DUSP3: variants seen among roughly 807,000 people sequenced by gnomAD.
The protein encoded by DUSP3 is dual specificity protein phosphatase 3.
A neutral mutation model predicts 15.5 loss-of-function variants in DUSP3; 7 were observed. That is an observed-to-expected ratio of 0.45 (90% CI 0.26 to 0.85). The LOEUF (loss-of-function observed/expected upper bound fraction) is 0.85. DUSP3 is among the 40% of genes least tolerant of loss of function. The pLI is 0.18. For missense variants in DUSP3, 209 were observed against 251.7 expected (o/e 0.83, Z 1.15); for synonymous variants, 86 against 104.2 (o/e 0.83, Z 1.07).
intron 1 of DUSP3, among the ~76,000 whole-genome samples, chr17:43,775,898 G>A (rs1265881143): frequency 6.6e-6 from 1 of 152,132 alleles, no homozygotes; most frequent in Non-Finnish European, 1.5e-5. Flanking sequence ...TGGATCACCT[G>A]TCAGGAGTTC....
At position 43,770,982 on chromosome 17, in the gene DUSP3, GTATA is replaced by G. The variant is rs201583997; in HGVS notation, c.353-1172_353-1169del. 4.2e-4 allele frequency among the ~76,000 whole-genome samples: 39 copies of G among 92,968 alleles called. 1 individual carries two copies. The highest frequency in any genetic ancestry group is 1.2e-3 in the African/African-American group (34 of 27,534). 61.0% of individuals were successfully genotyped at this position (92,968 alleles called of 152,430 possible). ...ATTTTAATATAGTGTGTGTGTGCGTGTATATATATGTGTGTGTGTGTGTGTGTGT... is the reference window on the plus strand; with the variant it reads ...ATTTTAATATAGTGTGTGTGTGCGTGTATATGTGTGTGTGTGTGTGTGTGT... On this transcript the variant is annotated intron_variant, in intron 2 of 2. Transcript: ENST00000226004.
rs1974243223 is a variant in DUSP3 at position 43,766,494 on chromosome 17, ACTTT to A, written c.*3111_*3114del. 6.9e-6 allele frequency: 1 copy of A among 144,214 alleles called. No individual in the cohort carries two copies. The highest frequency in any genetic ancestry group is 2.6e-5 in the African/African-American group (1 of 39,100). 8.9% of individuals were successfully genotyped at this position (144,214 alleles called of 1,614,324 possible). On this transcript the variant is annotated 3_prime_UTR_variant, in exon 3 of 3. Coordinates refer to ENST00000226004, the MANE Select transcript of DUSP3 (RefSeq NM_004090.4). ...TCATGTCTTCATATTGAAGATCAGT[ACTTT>A]TTTTTTTTTTTTTCCTTTAAAACAG...
At chr17:43,775,072 G>T in intron 1 of DUSP3, 134 bp from the exon 2 acceptor site, 1 of 862,950 alleles carries the variant, frequency 1.2e-6, no homozygotes, top group Non-Finnish European at 1.9e-6. Flanking sequence ...AGCTTCTCCT[G>T]CCTCATCTTA....
chr17:43,769,251 T>G lies in DUSP3; in HGVS notation c.*358A>C. ...GGATTCGGGAGTTGGGGAAGGGAGG[T>G]CATGAGGGACCTCTGTGAGCATCTT... On this transcript the variant is annotated 3_prime_UTR_variant, in exon 3 of 3. Transcript: ENST00000226004. The G allele has an allele frequency of 2.5e-5, 6 of 240,866 alleles. No homozygotes were observed. Among genetic ancestry groups the G allele is most frequent in the Non-Finnish European group, 4.0e-5 (5 of 124,186 alleles). 14.9% of individuals were successfully genotyped at this position (240,866 alleles called of 1,614,324 possible).
At position 43,774,695 on chromosome 17, in the gene DUSP3, G is replaced by A. The variant is rs1419119849; in HGVS notation, c.352+17C>T. On this transcript the variant is annotated intron_variant, in intron 2 of 2. Transcript: ENST00000226004. ...TCAGAGCTGCCTCCCATCTTTTCCT[G>A]GTGGGAGGTCCCTTACCATTCTTTT... The A allele has an allele frequency of 2.5e-6, 4 of 1,613,880 alleles. No individual in the cohort carries two copies. The highest frequency in any genetic ancestry group is 1.6e-4 in the Middle Eastern group (1 of 6,062).
rs71160061 is a variant in DUSP3, at chr17:43,770,990, A to ATGTGTGTGTGTGTGTGTG, written c.353-1194_353-1177dup. ...ATAGTGTGTGTGTGCGTGTATATAT[A>ATGTGTGTGTGTGTGTGTG]TGTGTGTGTGTGTGTGTGTGTGTGT... On this transcript the variant is annotated intron_variant, in intron 2 of 2. Transcript: ENST00000226004. 2.0e-5 allele frequency among the ~76,000 whole-genome samples: 3 copies of ATGTGTGTGTGTGTGTGTG among 146,764 alleles called. No homozygotes were observed. In the South Asian group the frequency reaches 6.5e-4, roughly 32 times the overall value.
rs193147258 is a variant in DUSP3, at chr17:43,774,502, C to T, written c.352+210G>A. On this transcript the variant is annotated intron_variant, in intron 2 of 2. Transcript: ENST00000226004. ...GTCAAACGCGAGGACCCTGGGGCTGCCATGGTGTGAATGAGTTGCACATCC... is the reference window on the plus strand; with the variant it reads ...GTCAAACGCGAGGACCCTGGGGCTGTCATGGTGTGAATGAGTTGCACATCC... Among the ~76,000 whole-genome samples, 3 of 152,298 alleles carry T rather than the reference C, an allele frequency of 2.0e-5. No homozygotes were observed. In the East Asian group the frequency reaches 5.8e-4, roughly 29 times the overall value.
At chr17:43,775,169 G>A (rs1483756959) in intron 1 of DUSP3, among the ~76,000 whole-genome samples, 2 of 152,152 alleles carry the variant, frequency 1.3e-5, no homozygotes, top group African/African-American at 2.4e-5. Flanking sequence ...TGTCCCCTCT[G>A]TCTGGAATGC....
rs151079918 is a variant in DUSP3 at position 43,769,810 on chromosome 17, C to T, written c.357G>A (p.Arg119=). ...IDQALAQKNG[R]VLVHCREGYS... Reference sequence around the variant, plus strand: ...AACCTTCCCGGCAGTGGACGAGCACCCGGCCTGTAAGAAACAGGGGAGACG... The same window carrying T: ...AACCTTCCCGGCAGTGGACGAGCACTCGGCCTGTAAGAAACAGGGGAGACG... Residue 119 remains arginine, a synonymous_variant, in exon 3 of 3, where the codon CGG becomes CGA. Coordinates refer to ENST00000226004, the MANE Select transcript of DUSP3 (RefSeq NM_004090.4). 1.8e-4 allele frequency: 292 copies of T among 1,614,056 alleles called. No individual in the cohort carries two copies. The African/African-American group carries it at 3.3e-3, about 18-fold the overall frequency.
chr17:43,777,733 C>T, intron 1 of DUSP3: 1 of 289,210 alleles, frequency 3.5e-6, no homozygotes, highest in South Asian at 3.0e-5. Context: ...TACAGGCATG[C>T]TAATATATTC....
At chr17:43,774,124 A>AG (rs1286481107) in intron 2 of DUSP3, 16 of 302,948 alleles carry the variant, frequency 5.3e-5, no homozygotes, top group Middle Eastern at 1.3e-3. Flanking sequence ...AAAAAAAAAA[A>AG]AAAAAAAAAA....
intron 2 of DUSP3, among the ~76,000 whole-genome samples, chr17:43,773,368 G>A (rs908491232): frequency 1.3e-5 from 2 of 152,220 alleles, no homozygotes; most frequent in Non-Finnish European, 2.9e-5. Context: ...AAGCAGAAAG[G>A]GAGAAAGGGC....
At position 43,769,773 on chromosome 17, in the gene DUSP3, G is replaced by C. The variant is rs1249201707; in HGVS notation, c.394C>G (p.Pro132Ala). The C allele has an allele frequency of 6.2e-7, 1 of 1,614,130 alleles. No homozygotes were observed. Among genetic ancestry groups the C allele is most frequent in the Non-Finnish European group, 8.5e-7 (1 of 1,180,030 alleles). Reference protein sequence around the residue: ...VHCREGYSRSPTLVIAYLMMR... With the variant: ...VHCREGYSRSATLVIAYLMMR... Reference sequence around the variant, plus strand: ...ATGAGGTAGGCGATAACTAGCGTTGGGGAGCGGCTATAACCTTCCCGGCAG... The same window carrying C: ...ATGAGGTAGGCGATAACTAGCGTTGCGGAGCGGCTATAACCTTCCCGGCAG... Residue 132 changes from proline to alanine, a missense_variant, in exon 3 of 3, where the codon CCA (proline) becomes GCA (alanine). Coordinates refer to ENST00000226004, the MANE Select transcript of DUSP3 (RefSeq NM_004090.4).
At chr17:43,771,309 C>T (rs1362245374) in intron 2 of DUSP3, among the ~76,000 whole-genome samples, 4 of 151,920 alleles carry the variant, frequency 2.6e-5, no homozygotes, top group Admixed American at 6.6e-5. Context: ...ACAGACATAA[C>T]ATCTTTTTAT....
At chr17:43,769,876 A>T (rs112399535) in intron 2 of DUSP3, 62 bp from the exon 3 acceptor site, 8 of 1,568,114 alleles carry the variant, frequency 5.1e-6, no homozygotes, top group Non-Finnish European at 3.5e-6. Flanking sequence ...GGCGTTGGTC[A>T]AGACTCTTCC....
chr17:43,769,932 T>C (rs58242860), intron 2 of DUSP3, 118 bp from the exon 3 acceptor site: 235,684 of 1,101,966 alleles, frequency 0.21, 27,543 homozygotes, highest in African/African-American at 0.37. Context: ...TGTGTGCCTG[T>C]CAGAATGGCT....
chr17:43,771,731 G>C (rs1446280849), intron 2 of DUSP3, among the ~76,000 whole-genome samples: 1 of 152,068 alleles, frequency 6.6e-6, no homozygotes, highest in Non-Finnish European at 1.5e-5. Context: ...AGAAATGGCC[G>C]GACACGGTGG....
At position 43,778,948 on chromosome 17, in the gene DUSP3, C is replaced by T. The variant is rs1171756703; in HGVS notation, c.-24G>A. ...ATGGCGGCGGCGGGGCCCTGCACGC[C>T]CGGCAGGAGCAAGCGAGGCGGAGAG... On this transcript the variant is annotated 5_prime_UTR_variant, in exon 1 of 3. Transcript: ENST00000226004. 5 of 1,401,418 alleles carry T rather than the reference C, an allele frequency of 3.6e-6. No individual in the cohort carries two copies. Among genetic ancestry groups the T allele is most frequent in the Non-Finnish European group, 4.7e-6 (5 of 1,070,308 alleles). 86.8% of individuals were successfully genotyped at this position (1,401,418 alleles called of 1,614,324 possible).
Position 43,778,614 on chromosome 17 carries a change from TC to T in DUSP3, c.125+185del, listed in dbSNP as rs569357089. Among the ~76,000 whole-genome samples the T allele has an allele frequency of 8.7e-4, 132 of 151,982 alleles. 1 individual carries two copies. Among genetic ancestry groups the T allele is most frequent in the Non-Finnish European group, 1.4e-3 (92 of 67,906 alleles). ...GCGCCCGGCCAGGCAGGGTTCCAGT[TC>T]CTTGGCCCCACGCGCGGGGGTAGGC... On this transcript the variant is annotated intron_variant, in intron 1 of 2. Coordinates refer to ENST00000226004, the MANE Select transcript of DUSP3 (RefSeq NM_004090.4).
Sources: gnomAD v4.1 joint callset for allele counts (sites outside exome capture counted in the v4.1 genomes callset) on GRCh38, gnomAD v4.1.1 for gene constraint, MANE v1.5 for transcripts, NCBI Gene and HGNC (gene_info 2026-07-23, HGNC 2026-07-21) for gene names.